COLGALT2: variants seen among roughly 807,000 people sequenced by gnomAD.
COLGALT2 encodes collagen beta(1-O)galactosyltransferase 2.
Under a neutral mutation model 73.4 loss-of-function variants are expected in COLGALT2, and 49 were observed. That is an observed-to-expected ratio of 0.67 (90% confidence interval 0.53 to 0.85). The LOEUF is 0.85. COLGALT2 is among the 40% of genes least tolerant of loss of function. The pLI is 0.00. For synonymous variants in COLGALT2, 295 were observed against 307.6 expected (o/e 0.96, Z 0.43); for missense variants, 722 against 790.2 (o/e 0.91, Z 1.03).
chr1:183,981,764 T>A (rs949294345), intron 1 of COLGALT2, among the ~76,000 whole-genome samples: 2 of 151,870 alleles, frequency 1.3e-5, no homozygotes, highest in African/African-American at 2.4e-5. Flanking sequence ...TCAAAAAATT[T>A]TTTTTATCTC....
At chr1:183,960,415 C>T (rs955152866) in intron 6 of COLGALT2, among the ~76,000 whole-genome samples, 8 of 152,224 alleles carry the variant, frequency 5.3e-5, no homozygotes, top group Admixed American at 3.3e-4. Flanking sequence ...CTGGATCACA[C>T]AGGCCATAGC....
intron 1 of COLGALT2, among the ~76,000 whole-genome samples, chr1:184,036,141 T>C (rs1399580839): frequency 6.6e-6 from 1 of 152,182 alleles, no homozygotes; most frequent in African/African-American, 2.4e-5. Context: ...AGTACCTACC[T>C]GACAGCACAT....
Position 183,951,313 on chromosome 1 carries a change from C to T in COLGALT2, c.1030-200G>A, listed in dbSNP as rs184517377. Among the ~76,000 whole-genome samples the T allele has an allele frequency of 2.0e-5, 3 of 152,312 alleles. No individual in the cohort carries two copies. In the East Asian group the frequency reaches 5.8e-4, roughly 29 times the overall value. On this transcript the variant is annotated intron_variant, in intron 7 of 11. Transcript: ENST00000361927. Reference sequence around the variant, plus strand: ...AAACTGAATTATTTTCAAAACTCAACTCTTCGTAGTGACTTAACTCTCTTT... The same window carrying T: ...AAACTGAATTATTTTCAAAACTCAATTCTTCGTAGTGACTTAACTCTCTTT...
At chr1:184,035,822 C>T (rs1649654639) in intron 1 of COLGALT2, among the ~76,000 whole-genome samples, 2 of 152,296 alleles carry the variant, frequency 1.3e-5, no homozygotes, top group East Asian at 3.9e-4. Flanking sequence ...TGTCCCAGTG[C>T]TCTCTTTCCA....
At chr1:183,998,654 C>T (rs6698329) in intron 1 of COLGALT2, among the ~76,000 whole-genome samples, 6 of 152,096 alleles carry the variant, frequency 3.9e-5, no homozygotes, top group South Asian at 2.1e-4. Context: ...TTAAATTAAT[C>T]GTCTGGAGAG....
rs761369535 is a variant in COLGALT2 at position 183,938,824 on chromosome 1, C to T, written c.1818G>A (p.Lys606=). The T allele has an allele frequency of 7.4e-6, 12 of 1,614,066 alleles. No individual in the cohort carries two copies. Among genetic ancestry groups the T allele is most frequent in the Non-Finnish European group, 9.3e-6 (11 of 1,180,048 alleles). Residue 606 remains lysine, a synonymous_variant, in exon 12 of 12, where the codon AAG becomes AAA. Coordinates refer to ENST00000361927, the MANE Select transcript of COLGALT2 (RefSeq NM_015101.4). ...RKQSRIYSNA[K]NTEALPPPTS... is the part of the protein sequence containing the mutation. The stretch of plus-strand genomic sequence containing the variant: ...TTGGCGGTGGCAGGGCCTCTGTGTT[C>T]TTGGCATTGCTGTAGATGCGGCTTT...
chr1:184,030,791 C>G lies in COLGALT2; in HGVS notation c.263+6304G>C, dbSNP rs377582389. 4.8e-4 allele frequency among the ~76,000 whole-genome samples: 73 copies of G among 152,298 alleles called. No homozygotes were observed. In the South Asian group the frequency reaches 6.6e-3, roughly 14 times the overall value. On this transcript the variant is annotated intron_variant, in intron 1 of 11. Coordinates refer to ENST00000361927, the MANE Select transcript of COLGALT2 (RefSeq NM_015101.4). Reference sequence around the variant, plus strand: ...AACTCTGCTTAAAATACTCCCCATGCTCCTTTAAACCAAGAAGGATATTCA... The same window carrying G: ...AACTCTGCTTAAAATACTCCCCATGGTCCTTTAAACCAAGAAGGATATTCA...
At chr1:183,964,203 T>C (rs1226967439) in intron 5 of COLGALT2, 183 bp from the exon 6 acceptor site, 12 of 512,474 alleles carry the variant, frequency 2.3e-5, no homozygotes, top group Middle Eastern at 2.9e-4. Context: ...AAACACAGCA[T>C]TGGGGACTAA....
At chr1:183,979,684 CT>C (rs1671297224) in intron 1 of COLGALT2, among the ~76,000 whole-genome samples, 1 of 152,020 alleles carries the variant, frequency 6.6e-6, no homozygotes, top group African/African-American at 2.4e-5. Context: ...TTGCTGACCC[CT>C]AATATAGTAG....
intron 1 of COLGALT2, among the ~76,000 whole-genome samples, chr1:184,027,803 T>C (rs1649374564): frequency 6.6e-6 from 1 of 152,254 alleles, no homozygotes; most frequent in South Asian, 2.1e-4. Flanking sequence ...TATTAAAATC[T>C]AACAAGATTG....
At chr1:184,018,367 G>A (rs1349865824) in intron 1 of COLGALT2, among the ~76,000 whole-genome samples, 1 of 152,148 alleles carries the variant, frequency 6.6e-6, no homozygotes, top group Non-Finnish European at 1.5e-5. Context: ...TTGGGGTGGG[G>A]TAGGTGATTT....
chr1:183,969,546 T>C (rs766640045), intron 4 of COLGALT2, 73 bp from the exon 5 acceptor site: 6 of 1,365,508 alleles, frequency 4.4e-6, no homozygotes, highest in Non-Finnish European at 5.0e-6. Context: ...TTTGCTAGAC[T>C]GATTCCTTTC....
chr1:183,967,744 A>C (rs1670920199), intron 5 of COLGALT2, among the ~76,000 whole-genome samples: 1 of 152,244 alleles, frequency 6.6e-6, no homozygotes, highest in African/African-American at 2.4e-5. Flanking sequence ...TGGCACTCAA[A>C]GGACTCAAAA....
intron 1 of COLGALT2, among the ~76,000 whole-genome samples, chr1:184,023,311 T>C (rs1179456503): frequency 5.9e-5 from 9 of 152,330 alleles, no homozygotes; most frequent in Non-Finnish European, 1.2e-4. Flanking sequence ...ACCAGCTTCA[T>C]GTTACAAGGA....
intron 7 of COLGALT2, among the ~76,000 whole-genome samples, chr1:183,953,849 C>T (rs764259793): frequency 2.6e-5 from 4 of 152,174 alleles, no homozygotes; most frequent in Non-Finnish European, 5.9e-5. Context: ...CGTCAAATCC[C>T]TTTGAGAAGG....
chr1:184,005,493 C>A (rs1451685674), intron 1 of COLGALT2, among the ~76,000 whole-genome samples: 1 of 152,178 alleles, frequency 6.6e-6, no homozygotes, highest in Non-Finnish European at 1.5e-5. Context: ...AAGGCCCAGA[C>A]AACTGTGTGG....
rs976507001 is a variant in COLGALT2 at position 184,037,530 on chromosome 1, C to A, written c.-173G>T. 8.8e-7 allele frequency: 1 copy of A among 1,139,038 alleles called. No homozygotes were observed. Among genetic ancestry groups the A allele is most frequent in the Non-Finnish European group, 1.1e-6 (1 of 929,866 alleles). The allele number at this position is 1,139,038 out of a possible 1,614,324, so 70.6% of individuals were successfully genotyped here. A position where few individuals can be genotyped will look rare whatever the true frequency, so the allele number is the denominator to read the frequency against. On this transcript the variant is annotated 5_prime_UTR_variant, in exon 1 of 12. Coordinates refer to ENST00000361927, the MANE Select transcript of COLGALT2 (RefSeq NM_015101.4). ...CCTCGGCGGCTGCGGTTCCCAGGAC[C>A]CTCCCGCCGCCGCTGCACCGCCCAG...
At chr1:183,941,777 C>T (rs936158436) in intron 10 of COLGALT2, among the ~76,000 whole-genome samples, 4 of 152,174 alleles carry the variant, frequency 2.6e-5, no homozygotes, top group Non-Finnish European at 5.9e-5. Context: ...GAGCTTCTCT[C>T]GTGTCTCATC....
At chr1:183,962,481 C>T (rs1016704449) in intron 6 of COLGALT2, among the ~76,000 whole-genome samples, 4 of 152,042 alleles carry the variant, frequency 2.6e-5, no homozygotes, top group Non-Finnish European at 5.9e-5. Flanking sequence ...TCAAACCTCT[C>T]CTTTATGCTA....
Sources: gnomAD v4.1 joint callset for allele counts (sites outside exome capture counted in the v4.1 genomes callset) on GRCh38, gnomAD v4.1.1 for gene constraint, MANE v1.5 for transcripts, NCBI Gene and HGNC (gene_info 2026-07-23, HGNC 2026-07-21) for gene names.